Variants in TMED10 observed in about 807,000 individuals in gnomAD.
The protein encoded by TMED10 is transmembrane p24 trafficking protein 10.
Under a neutral mutation model 23.1 loss-of-function variants are expected in TMED10, and 7 were observed. That is an observed-to-expected ratio of 0.30 (90% CI 0.17 to 0.57). The LOEUF (loss-of-function observed/expected upper bound fraction) is 0.57. TMED10 is among the 20% of genes least tolerant of loss of function. The pLI is 0.91. For missense variants in TMED10, 162 were observed against 274.8 expected (o/e 0.59, Z 2.90); for synonymous variants, 113 against 106.9 (o/e 1.06, Z -0.35).
chr14:75,149,899 T>C (rs889531755), intron 2 of TMED10, among the ~76,000 whole-genome samples: 5 of 151,988 alleles, frequency 3.3e-5, no homozygotes, highest in African/African-American at 1.2e-4. Context: ...GAGGTTCGAG[T>C]TCGAGACCAG....
chr14:75,138,618 C>T (rs865830481), intron 3 of TMED10, among the ~76,000 whole-genome samples: 5 of 152,152 alleles, frequency 3.3e-5, no homozygotes, highest in Non-Finnish European at 5.9e-5. Flanking sequence ...TATACTTCCC[C>T]ACTCAGAGCT....
At chr14:75,175,658 T>C (rs938065451) in intron 1 of TMED10, among the ~76,000 whole-genome samples, 1 of 151,660 alleles carries the variant, frequency 6.6e-6, no homozygotes, top group South Asian at 2.1e-4. Flanking sequence ...AGTTAATGGG[T>C]GCAGCACACC....
intron 1 of TMED10, among the ~76,000 whole-genome samples, chr14:75,153,714 T>G (rs1485670761): frequency 6.6e-6 from 1 of 152,044 alleles, no homozygotes; most frequent in Non-Finnish European, 1.5e-5. Context: ...TAAGCTTATA[T>G]ATTTAAAAGT....
chr14:75,168,749 C>T (rs1334029452), intron 1 of TMED10, among the ~76,000 whole-genome samples: 2 of 152,136 alleles, frequency 1.3e-5, no homozygotes, highest in Non-Finnish European at 2.9e-5. Context: ...CTCAAGAAGA[C>T]TAAGATGTTT....
intron 1 of TMED10, among the ~76,000 whole-genome samples, chr14:75,165,849 T>G (rs1389652838): frequency 1.3e-5 from 2 of 152,168 alleles, no homozygotes; most frequent in East Asian, 3.9e-4. Context: ...AGGCTTTTTC[T>G]AGAAATGCTG....
intron 1 of TMED10, among the ~76,000 whole-genome samples, chr14:75,171,994 C>T (rs908403776): frequency 2.7e-5 from 4 of 150,928 alleles, no homozygotes; most frequent in African/African-American, 9.8e-5. Context: ...AGGTTTGTTA[C>T]ATAGGTATAC....
At chr14:75,169,267 A>G (rs1350402651) in intron 1 of TMED10, among the ~76,000 whole-genome samples, 1 of 152,236 alleles carries the variant, frequency 6.6e-6, no homozygotes, top group Non-Finnish European at 1.5e-5. Flanking sequence ...GTGGTATATG[A>G]TAACATAGGT....
chr14:75,163,769 GTACA>G (rs1049711088), intron 1 of TMED10, among the ~76,000 whole-genome samples: 16 of 151,968 alleles, frequency 1.1e-4, no homozygotes, highest in African/African-American at 3.4e-4. Flanking sequence ...GACAACAGTT[GTACA>G]TACATCATAA....
chr14:75,157,492 A>G (rs547681734), intron 1 of TMED10, among the ~76,000 whole-genome samples: 3 of 152,230 alleles, frequency 2.0e-5, no homozygotes, highest in African/African-American at 7.2e-5. Context: ...TCTCTACAAA[A>G]AATAAAATTA....
intron 1 of TMED10, among the ~76,000 whole-genome samples, chr14:75,164,079 T>C (rs1012145889): frequency 6.6e-6 from 1 of 152,056 alleles, no homozygotes; most frequent in Non-Finnish European, 1.5e-5. Context: ...CTTCCTTTTT[T>C]TTTTGAGACA....
chr14:75,141,849 T>C (rs1027826971), intron 3 of TMED10, among the ~76,000 whole-genome samples: 12 of 152,230 alleles, frequency 7.9e-5, no homozygotes, highest in African/African-American at 2.2e-4. Flanking sequence ...GGGTTTCCCA[T>C]TGCTATTATT....
chr14:75,138,812 C>CTTT (rs59707221), intron 3 of TMED10, among the ~76,000 whole-genome samples: 5,512 of 94,326 alleles, frequency 0.058, 234 homozygotes, highest in Middle Eastern at 0.08. Context: ...GCCTTTGCTT[C>CTTT]TTTTTTTTTT....
chr14:75,150,731 C>T (rs998043058), intron 2 of TMED10, among the ~76,000 whole-genome samples: 4 of 152,118 alleles, frequency 2.6e-5, no homozygotes, highest in African/African-American at 9.7e-5. Flanking sequence ...TTAATATTTG[C>T]ACAACGAAAT....
intron 1 of TMED10, 98 bp downstream of exon 1, chr14:75,176,257 C>T: frequency 6.8e-7 from 1 of 1,465,984 alleles, no homozygotes; most frequent in Non-Finnish European, 9.3e-7. Context: ...GCCAGAACAA[C>T]TCCCAGGCCT....
At chr14:75,148,429 A>C (rs1895914615) in intron 2 of TMED10, among the ~76,000 whole-genome samples, 1 of 152,086 alleles carries the variant, frequency 6.6e-6, no homozygotes, top group Non-Finnish European at 1.5e-5. Flanking sequence ...TTAAGTGTTC[A>C]AATCTCAGGG....
intron 2 of TMED10, among the ~76,000 whole-genome samples, chr14:75,150,867 T>C (rs1383774916): frequency 6.6e-6 from 1 of 152,216 alleles, no homozygotes; most frequent in Admixed American, 6.5e-5. Flanking sequence ...GGACCCTTCA[T>C]AATTTTTCTC....
chr14:75,164,553 ATATATATATATATATATATATATATTT>A (rs1336256619), intron 1 of TMED10, among the ~76,000 whole-genome samples: 909 of 6,010 alleles, frequency 0.15, 67 homozygotes, highest in African/African-American at 0.21. Context: ...ATATATATAT[ATATATATATATATATATATATATATTT>A]TTTTTTTTTT....
intron 1 of TMED10, among the ~76,000 whole-genome samples, chr14:75,153,275 A>AAAAAAC (rs201017539): frequency 2.9e-4 from 44 of 152,120 alleles, no homozygotes; most frequent in Non-Finnish European, 5.7e-4. Flanking sequence ...CTCTGTCTCA[A>AAAAAAC]AAAAACAAAA....
rs561439742 is a variant in TMED10, at chr14:75,159,341, G to A, written c.226-7198C>T. On this transcript the variant is annotated intron_variant, in intron 1 of 4. Transcript: ENST00000303575. The stretch of plus-strand genomic sequence containing the variant: ...CTAATAATTACAGGTTGCTGAAAAT[G>A]TCTAAATGTAAGTGAAACTGGTAGA... Among the ~76,000 whole-genome samples, 24 of 152,342 alleles carry A rather than the reference G, an allele frequency of 1.6e-4. No individual in the cohort carries two copies. In the South Asian group the frequency reaches 2.5e-3, roughly 16 times the overall value.
Sources: gnomAD v4.1 joint callset for allele counts (sites outside exome capture counted in the v4.1 genomes callset) on GRCh38, gnomAD v4.1.1 for gene constraint, MANE v1.5 for transcripts, NCBI Gene and HGNC (gene_info 2026-07-23, HGNC 2026-07-21) for gene names.